The following TRABD2B variants were observed in gnomAD, a reference collection of about 807,000 sequenced individuals.
TRABD2B encodes metalloprotease TIKI2.
Under a neutral mutation model 40.1 loss-of-function variants are expected in TRABD2B, and 14 were observed. The observed-to-expected ratio is 0.35, with a 90% confidence interval of 0.23 to 0.55. The LOEUF is 0.55. TRABD2B is among the 20% of genes least tolerant of loss of function. The pLI is 0.90. For synonymous variants in TRABD2B, 263 were observed against 277.0 expected (o/e 0.95, Z 0.50); for missense variants, 541 against 648.6 (o/e 0.83, Z 1.80).
In TRABD2B at chr1:47,990,767, GGTTTTATATATATATATATATA is replaced by G. The variant is rs1410956973; in HGVS notation, c.666+3245_666+3266del. On this transcript the variant is annotated intron_variant, in intron 2 of 6. Coordinates refer to ENST00000606738, the MANE Select transcript of TRABD2B (RefSeq NM_001194986.2). The stretch of plus-strand genomic sequence containing the variant: ...TACAAGTTGTTGGTTTTAAAACGTT[GGTTTTATATATATATATATATA>G]TATATATATATATATATATATATAT... 2.0e-3 allele frequency among the ~76,000 whole-genome samples: 132 copies of G among 66,634 alleles called. 3 individuals are homozygous for G. Among genetic ancestry groups the G allele is most frequent in the African/African-American group, 7.3e-3 (122 of 16,608 alleles). The allele number at this position is 66,634 out of a possible 152,430, so 43.7% of individuals were successfully genotyped here. A position where few individuals can be genotyped will look rare whatever the true frequency, so the allele number is the denominator to read the frequency against.
At chr1:47,957,878 G>A (rs1006911422) in intron 2 of TRABD2B, among the ~76,000 whole-genome samples, 2 of 152,098 alleles carry the variant, frequency 1.3e-5, no homozygotes, top group African/African-American at 4.8e-5. Context: ...GATATTCTTC[G>A]ATAAGAGCAA....
At chr1:47,931,298 A>C (rs1426283063) in intron 2 of TRABD2B, among the ~76,000 whole-genome samples, 1 of 152,258 alleles carries the variant, frequency 6.6e-6, no homozygotes, top group East Asian at 1.9e-4. Flanking sequence ...AACTTTAGAG[A>C]GCCTCTAATG....
At chr1:47,935,240 C>G (rs1015141586) in intron 2 of TRABD2B, among the ~76,000 whole-genome samples, 1 of 152,200 alleles carries the variant, frequency 6.6e-6, no homozygotes, top group Admixed American at 6.5e-5. Context: ...AAGGCACTAT[C>G]CTTATCCACA....
intron 2 of TRABD2B, among the ~76,000 whole-genome samples, chr1:47,821,319 T>C (rs758923812): frequency 2.0e-5 from 3 of 152,166 alleles, no homozygotes; most frequent in African/African-American, 4.8e-5. Flanking sequence ...CCCCTGAACA[T>C]GGTTAGGGAC....
At chr1:47,767,157 GA>G (rs1320141376) in intron 6 of TRABD2B, among the ~76,000 whole-genome samples, 1 of 152,342 alleles carries the variant, frequency 6.6e-6, no homozygotes, top group East Asian at 1.9e-4. Context: ...GAGACCTGTG[GA>G]CGAGAGGGAC....
intron 2 of TRABD2B, among the ~76,000 whole-genome samples, chr1:47,847,744 C>T (rs146504053): frequency 1.3e-5 from 2 of 152,326 alleles, no homozygotes; most frequent in African/African-American, 2.4e-5. Flanking sequence ...GAAATGTCCA[C>T]ATTACCAAAA....
chr1:47,977,022 A>G (rs914017613), intron 2 of TRABD2B, among the ~76,000 whole-genome samples: 20 of 151,004 alleles, frequency 1.3e-4, no homozygotes, highest in African/African-American at 4.6e-4. Flanking sequence ...AGTTATGTAT[A>G]TGTGTGGATG....
chr1:47,979,718 T>C (rs1012619347), intron 2 of TRABD2B, among the ~76,000 whole-genome samples: 1 of 152,168 alleles, frequency 6.6e-6, no homozygotes, highest in Non-Finnish European at 1.5e-5. Flanking sequence ...GGAAATGTTA[T>C]CCTCCAGCAA....
chr1:47,896,412 T>C (rs1182911105), intron 2 of TRABD2B, among the ~76,000 whole-genome samples: 2 of 152,166 alleles, frequency 1.3e-5, no homozygotes, highest in Non-Finnish European at 2.9e-5. Flanking sequence ...TCCACACTGA[T>C]GATGCAGACC....
chr1:47,770,598 C>T (rs1035936515), intron 6 of TRABD2B, among the ~76,000 whole-genome samples: 6 of 152,360 alleles, frequency 3.9e-5, no homozygotes, highest in Middle Eastern at 3.4e-3. Flanking sequence ...ACCAAGATCA[C>T]TCAGGAGAGC....
chr1:47,771,797 T>C (rs1644380815), intron 6 of TRABD2B, among the ~76,000 whole-genome samples: 1 of 152,222 alleles, frequency 6.6e-6, no homozygotes, highest in Non-Finnish European at 1.5e-5. Context: ...TAAATCATCC[T>C]GCCATGGGCT....
chr1:47,766,088 G>C lies in TRABD2B; in HGVS notation c.1368C>G (p.Pro456=). The change falls in exon 7 of 7, where the codon CCC becomes CCG. Residue 456 remains proline (P), a synonymous_variant. Transcript: ENST00000606738. The part of the protein sequence containing the change: ...RIEDSTTASP[P]PLPLQPTHSS... ...TGTGGGTGGGCTGCAGGGGCAGCGGGGGTGGTGAGGCGGTGGTGCTGGAAA... is the reference window on the plus strand; with the variant it reads ...TGTGGGTGGGCTGCAGGGGCAGCGGCGGTGGTGAGGCGGTGGTGCTGGAAA... 4.3e-6 allele frequency: 3 copies of C among 701,522 alleles called. No individual in the cohort carries two copies. Among genetic ancestry groups the C allele is most frequent in the Non-Finnish European group, 5.2e-6 (2 of 384,268 alleles). The allele number at this position is 701,522 out of a possible 1,614,324, so 43.5% of individuals were successfully genotyped here. A position where few individuals can be genotyped will look rare whatever the true frequency, so the allele number is the denominator to read the frequency against.
At chr1:47,908,658 C>T (rs1644709800) in intron 2 of TRABD2B, among the ~76,000 whole-genome samples, 2 of 152,228 alleles carry the variant, frequency 1.3e-5, no homozygotes, top group Admixed American at 1.3e-4. Context: ...AGCTCTTTCT[C>T]CTCCAAGCCT....
chr1:47,995,062 TG>T (rs1227262756), intron 1 of TRABD2B, among the ~76,000 whole-genome samples: 1 of 151,664 alleles, frequency 6.6e-6, no homozygotes, highest in African/African-American at 2.4e-5. Flanking sequence ...ATGCGGAGGG[TG>T]GGGAAAGGAG....
chr1:47,818,973 G>A (rs1645071798), intron 2 of TRABD2B: 1 of 152,252 alleles, frequency 6.6e-6, no homozygotes, highest in Non-Finnish European at 1.5e-5. Context: ...TATGTTTCCA[G>A]GGCCTGGGCT....
chr1:47,871,884 G>C (rs1353666604), intron 2 of TRABD2B, among the ~76,000 whole-genome samples: 2 of 152,220 alleles, frequency 1.3e-5, no homozygotes, highest in Non-Finnish European at 2.9e-5. Context: ...CCTCTGCAGT[G>C]ATCAGGGACT....
intron 2 of TRABD2B, among the ~76,000 whole-genome samples, chr1:47,939,853 T>C (rs1197936269): frequency 6.6e-6 from 1 of 152,208 alleles, no homozygotes; most frequent in Non-Finnish European, 1.5e-5. Context: ...TTCTGGACTA[T>C]TCCATAGCCT....
intron 2 of TRABD2B, among the ~76,000 whole-genome samples, chr1:47,859,632 T>C (rs1557618982): frequency 6.6e-6 from 1 of 152,296 alleles, no homozygotes; most frequent in Admixed American, 6.5e-5. Context: ...GAGCATGCCT[T>C]AGCTGCTGCT....
chr1:47,805,459 G>A (rs1376041352), intron 2 of TRABD2B, among the ~76,000 whole-genome samples: 2 of 151,980 alleles, frequency 1.3e-5, no homozygotes, highest in African/African-American at 2.4e-5. Flanking sequence ...TCCCTACCTC[G>A]GTGGGGTTTG....
Sources: gnomAD v4.1 joint callset for allele counts (sites outside exome capture counted in the v4.1 genomes callset) on GRCh38, gnomAD v4.1.1 for gene constraint, MANE v1.5 for transcripts, NCBI Gene and HGNC (gene_info 2026-07-23, HGNC 2026-07-21) for gene names.